NRXN3: variants seen among roughly 807,000 people sequenced by gnomAD.
NRXN3 encodes the protein neurexin III.
Under a neutral mutation model 137.6 loss-of-function variants are expected in NRXN3, and 32 were observed. That is an observed-to-expected ratio of 0.23 (90% CI 0.18 to 0.31). NRXN3 has a LOEUF of 0.31. Among genes scored for constraint, NRXN3 ranks in the 10% least tolerant of loss-of-function variants. The probability of loss-of-function intolerance (pLI) is 1.00; values close to 1 mark genes in which losing one functional copy is unlikely to be tolerated. For synonymous variants in NRXN3, 798 were observed against 784.5 expected (o/e 1.02, Z -0.29); for missense variants, 1,574 against 2,062.5 (o/e 0.76, Z 4.59).
Position 78,824,018 on chromosome 14 carries a change from C to T in NRXN3, c.2275+13674C>T, listed in dbSNP as rs1201605015. Among the ~76,000 whole-genome samples the T allele has an allele frequency of 2.0e-5, 3 of 150,402 alleles. No individual in the cohort carries two copies. In the East Asian group the frequency reaches 5.9e-4, roughly 30 times the overall value. ...GCCTTGTGAAACTGATTAACTGTCA[C>T]ATCAATACTGTAAAGAGGGAGAGAG... is the stretch of plus-strand genomic sequence containing the variant. On this transcript the variant is annotated intron_variant, in intron 10 of 20. Coordinates refer to ENST00000335750, the MANE Select transcript of NRXN3 (RefSeq NM_001330195.2).
chr14:79,684,340 C>G (rs1446605232), intron 17 of NRXN3, among the ~76,000 whole-genome samples: 2 of 152,082 alleles, frequency 1.3e-5, no homozygotes, highest in Non-Finnish European at 2.9e-5. Context: ...ATATGCGGTC[C>G]TGTTATGATG....
At chr14:78,249,112 T>A (rs2068181192) in intron 2 of NRXN3, among the ~76,000 whole-genome samples, 1 of 152,182 alleles carries the variant, frequency 6.6e-6, no homozygotes. Context: ...ATCTCCCCCC[T>A]CCCCTAACAT....
chr14:79,853,425 A>T (rs1250980132), intron 20 of NRXN3: 3 of 272,744 alleles, frequency 1.1e-5, no homozygotes, highest in African/African-American at 2.2e-5. Flanking sequence ...ATGTTGAAGA[A>T]GTTGCAGCTT....
chr14:79,331,005 C>T (rs1452198825), intron 15 of NRXN3, among the ~76,000 whole-genome samples: 1 of 152,048 alleles, frequency 6.6e-6, no homozygotes, highest in Admixed American at 6.6e-5. Context: ...AGTATGGTGT[C>T]CTGGTCCTTT....
chr14:79,120,197 C>T (rs575548567), intron 15 of NRXN3, among the ~76,000 whole-genome samples: 1 of 152,108 alleles, frequency 6.6e-6, no homozygotes, highest in Non-Finnish European at 1.5e-5. Flanking sequence ...TTTGTGGCCA[C>T]ATACTTGTAT....
At chr14:79,601,723 T>C (rs2097924120) in intron 16 of NRXN3, among the ~76,000 whole-genome samples, 1 of 152,192 alleles carries the variant, frequency 6.6e-6, no homozygotes, top group African/African-American at 2.4e-5. Flanking sequence ...TTTCAGTTCA[T>C]AACATTAAAG....
At chr14:79,797,157 T>C (rs2099163599) in intron 19 of NRXN3, among the ~76,000 whole-genome samples, 1 of 152,182 alleles carries the variant, frequency 6.6e-6, no homozygotes, top group African/African-American at 2.4e-5. Flanking sequence ...TTTTTTTAAT[T>C]CAGTTTTAGA....
intron 15 of NRXN3, among the ~76,000 whole-genome samples, chr14:79,464,863 C>T (rs2096401231): frequency 6.6e-6 from 1 of 152,074 alleles, no homozygotes. Context: ...TATAAAATAT[C>T]CCATACAATT....
chr14:79,034,287 A>G (rs1305670078), intron 15 of NRXN3, among the ~76,000 whole-genome samples: 1 of 151,608 alleles, frequency 6.6e-6, no homozygotes, highest in Admixed American at 6.6e-5. Context: ...TACAAGGTCA[A>G]TTCTGTTAAG....
At chr14:79,533,931 A>G (rs933207258) in intron 16 of NRXN3, among the ~76,000 whole-genome samples, 1 of 152,228 alleles carries the variant, frequency 6.6e-6, no homozygotes, top group Non-Finnish European at 1.5e-5. Context: ...GTAATTGATA[A>G]CAACTTGTAG....
chr14:78,965,956 A>G (rs998620027), intron 11 of NRXN3, 69 bp from the exon 12 acceptor site: 3 of 1,530,400 alleles, frequency 2.0e-6, no homozygotes, highest in Non-Finnish European at 2.6e-6. Context: ...CACCCAAAAA[A>G]TATACTTGAG....
At chr14:79,213,918 G>A (rs542880676) in intron 15 of NRXN3, among the ~76,000 whole-genome samples, 3 of 152,192 alleles carry the variant, frequency 2.0e-5, no homozygotes, top group Non-Finnish European at 4.4e-5. Flanking sequence ...AGAAAGCTAC[G>A]CTACTTGATT....
chr14:79,307,325 C>T (rs1453669822), intron 15 of NRXN3, among the ~76,000 whole-genome samples: 1 of 152,042 alleles, frequency 6.6e-6, no homozygotes, highest in Non-Finnish European at 1.5e-5. Flanking sequence ...CATATTCTAC[C>T]ACCTTCATAA....
chr14:79,753,322 A>G (rs1172131481), intron 19 of NRXN3, among the ~76,000 whole-genome samples: 5 of 150,954 alleles, frequency 3.3e-5, no homozygotes, highest in African/African-American at 1.2e-4. Flanking sequence ...AACTAACCCA[A>G]ATGTCCAACA....
intron 15 of NRXN3, among the ~76,000 whole-genome samples, chr14:79,168,781 C>T (rs2061513416): frequency 6.6e-6 from 1 of 151,406 alleles, no homozygotes; most frequent in South Asian, 2.1e-4. Flanking sequence ...CTTTCCTGGA[C>T]ACAAAAATCA....
chr14:79,488,285 G>A (rs1007137877), intron 16 of NRXN3, among the ~76,000 whole-genome samples: 5 of 152,162 alleles, frequency 3.3e-5, no homozygotes, highest in African/African-American at 1.2e-4. Flanking sequence ...TAGAGCTATA[G>A]GGTCTTGATG....
intron 4 of NRXN3, among the ~76,000 whole-genome samples, chr14:78,323,003 C>T (rs1485161414): frequency 6.9e-6 from 1 of 144,870 alleles, no homozygotes; most frequent in Non-Finnish European, 1.6e-5. Context: ...TTATTTCTTA[C>T]TCCTTATGGC....
At chr14:78,389,871 T>C (rs1004799675) in intron 4 of NRXN3, among the ~76,000 whole-genome samples, 1 of 152,226 alleles carries the variant, frequency 6.6e-6, no homozygotes, top group Non-Finnish European at 1.5e-5. Flanking sequence ...TTTTTAAATT[T>C]AACTTTTTAA....
chr14:79,207,226 G>T (rs2066911397), intron 15 of NRXN3, among the ~76,000 whole-genome samples: 1 of 152,124 alleles, frequency 6.6e-6, no homozygotes. Flanking sequence ...CTTCACCTGG[G>T]ATTTTTTAAT....
Sources: allele counts gnomAD v4.1 joint callset (sites outside exome capture counted in the v4.1 genomes callset), GRCh38; gene constraint gnomAD v4.1.1; transcripts MANE v1.5; gene names NCBI Gene and HGNC (gene_info 2026-07-23, HGNC 2026-07-21).